The following DCPS variants were observed in gnomAD, a reference collection of about 807,000 sequenced individuals.
DCPS encodes decapping enzyme, scavenger.
Under a neutral mutation model 34.7 loss-of-function variants are expected in DCPS, and 27 were observed. That is an observed-to-expected ratio of 0.78 (90% CI 0.57 to 1.07). The LOEUF (loss-of-function observed/expected upper bound fraction) is 1.07, where lower values mean the gene tolerates loss of function less well. DCPS is among the 50% of genes least tolerant of loss of function. The pLI is 0.00. For synonymous variants in DCPS, 185 were observed against 185.7 expected (o/e 1.00, Z 0.03); for missense variants, 464 against 436.9 (o/e 1.06, Z -0.55).
chr11:126,323,071 C>T lies in DCPS; in HGVS notation c.377-8334C>T, dbSNP rs1288933178. 6.6e-6 allele frequency among the ~76,000 whole-genome samples: 1 copy of T among 150,584 alleles called. No individual in the cohort carries two copies. Among genetic ancestry groups the T allele is most frequent in the Non-Finnish European group, 1.5e-5 (1 of 68,020 alleles). ...CGAACTCCTGGGCTCAATAGATTTC[C>T]CCCCTGTTTCAGCCTCCCAAAGTGT... On this transcript the variant is annotated intron_variant, in intron 2 of 5. Coordinates refer to ENST00000263579, the MANE Select transcript of DCPS (RefSeq NM_014026.6). The surrounding 1 kb of genome is among the most constrained non-coding windows in gnomAD (Gnocchi z 4.4).
rs1951699468 is a variant in DCPS, at chr11:126,320,739, G to A, written c.377-10666G>A. 6.6e-6 allele frequency among the ~76,000 whole-genome samples: 1 copy of A among 152,102 alleles called. No homozygotes were observed. The highest frequency in any genetic ancestry group is 6.6e-5 in the Admixed American group (1 of 15,260). On this transcript the variant is annotated intron_variant, in intron 2 of 5. Transcript: ENST00000263579. This position sits in a 1 kb window ranked among gnomAD's most constrained non-coding sequence, Gnocchi z 4.7. ...GATCACTTCAGTCCAGGACATAGAG[G>A]CTGCACTCCAGCCTGGGAGACAGAG...
Position 126,345,738 on chromosome 11 carries a change from C to A in DCPS, c.*125C>A. On this transcript the variant is annotated 3_prime_UTR_variant, in exon 6 of 6. Coordinates refer to ENST00000263579, the MANE Select transcript of DCPS (RefSeq NM_014026.6). This position sits in a 1 kb window ranked among gnomAD's most constrained non-coding sequence, Gnocchi z 7.4. ...CGGCTTATTCCTAGTATTGAATAAA[C>A]TAGCGGGCTCACTCAGTGTGGACAG... The A allele has an allele frequency of 7.1e-7, 1 of 1,416,000 alleles. No homozygotes were observed. The highest frequency in any genetic ancestry group is 9.5e-7 in the Non-Finnish European group (1 of 1,057,388). 87.7% of individuals were successfully genotyped at this position (1,416,000 alleles called of 1,614,324 possible). A position where few individuals can be genotyped will look rare whatever the true frequency, so the allele number is the denominator to read the frequency against.
rs1169266962 is a variant in DCPS, at chr11:126,319,735, G to A, written c.377-11670G>A. On this transcript the variant is annotated intron_variant, in intron 2 of 5. Coordinates refer to ENST00000263579, the MANE Select transcript of DCPS (RefSeq NM_014026.6). This position sits in a 1 kb window ranked among gnomAD's most constrained non-coding sequence, Gnocchi z 4.5. ...GCTGCTTTTGGAAAACATGGCCCCA[G>A]CACAGGTATCTTAGGAACGGCCCGA... Among the ~76,000 whole-genome samples, 1 of 152,124 alleles carries A rather than the reference G, an allele frequency of 6.6e-6. No individual in the cohort carries two copies. The highest frequency in any genetic ancestry group is 1.5e-5 in the Non-Finnish European group (1 of 68,038).
chr11:126,318,077 G>A (rs1233498981), intron 2 of DCPS, among the ~76,000 whole-genome samples: 1 of 152,196 alleles, frequency 6.6e-6, no homozygotes, highest in East Asian at 1.9e-4. Context: ...GACTTCAGAG[G>A]ACTAGCGAGA....
At position 126,331,651 on chromosome 11, in the gene DCPS, T is replaced by TGGGC; in HGVS notation, c.522+103_522+106dup. ...TCATATTAGGGGCCAGGCGCTGTGC[T>TGGGC]GGGCGAGGGGATGGGGGTACAGTAG... On this transcript the variant is annotated intron_variant, in intron 3 of 5. Transcript: ENST00000263579. This position sits in a 1 kb window ranked among gnomAD's most constrained non-coding sequence, Gnocchi z 7.2. The TGGGC allele has an allele frequency of 1.4e-6, 2 of 1,452,068 alleles. No individual in the cohort carries two copies. The highest frequency in any genetic ancestry group is 1.9e-6 in the Non-Finnish European group (2 of 1,078,942). 89.9% of individuals were successfully genotyped at this position (1,452,068 alleles called of 1,614,324 possible). A position where few individuals can be genotyped will look rare whatever the true frequency, so the allele number is the denominator to read the frequency against.
At position 126,314,964 on chromosome 11, in the gene DCPS, A is replaced by C. The variant is rs192583521; in HGVS notation, c.376+8220A>C. Reference sequence around the variant, plus strand: ...TCACGTAAGTTCCTACCTGTTCCCCAAAAACCTATTGAAATAAAAAAATAA... The same window carrying C: ...TCACGTAAGTTCCTACCTGTTCCCCCAAAACCTATTGAAATAAAAAAATAA... On this transcript the variant is annotated intron_variant, in intron 2 of 5. Coordinates refer to ENST00000263579, the MANE Select transcript of DCPS (RefSeq NM_014026.6). Among the ~76,000 whole-genome samples the C allele has an allele frequency of 1.1e-3, 170 of 152,244 alleles. 1 individual carries two copies. Among genetic ancestry groups the C allele is most frequent in the African/African-American group, 3.8e-3 (159 of 41,478 alleles).
rs557244375 is a variant in DCPS at position 126,332,656 on chromosome 11, A to C, written c.522+1106A>C. Among the ~76,000 whole-genome samples the C allele has an allele frequency of 2.0e-5, 3 of 152,152 alleles. No homozygotes were observed. Among genetic ancestry groups the C allele is most frequent in the Non-Finnish European group, 4.4e-5 (3 of 68,028 alleles). On this transcript the variant is annotated intron_variant, in intron 3 of 5. Transcript: ENST00000263579. This position sits in a 1 kb window ranked among gnomAD's most constrained non-coding sequence, Gnocchi z 5.4. The stretch of plus-strand genomic sequence containing the variant: ...AGGCTGACAGGGCCTGCAGGAATGA[A>C]GTTTCCTTGGGAGACCTGTGTGCCG...
chr11:126,330,885 C>G (rs1484364457), intron 2 of DCPS, among the ~76,000 whole-genome samples: 1 of 151,078 alleles, frequency 6.6e-6, no homozygotes, highest in Admixed American at 6.6e-5. Flanking sequence ...TACAGGCATG[C>G]GCCACCACGC....
At chr11:126,317,839 C>T (rs1353833106) in intron 2 of DCPS, among the ~76,000 whole-genome samples, 1 of 152,232 alleles carries the variant, frequency 6.6e-6, no homozygotes, top group African/African-American at 2.4e-5. Flanking sequence ...AGCTCCCTGA[C>T]ACATTGCACA....
intron 2 of DCPS, among the ~76,000 whole-genome samples, chr11:126,310,936 C>T (rs1254558944): frequency 6.6e-6 from 1 of 152,188 alleles, no homozygotes; most frequent in Non-Finnish European, 1.5e-5. Flanking sequence ...GGAGCCCCCA[C>T]CCCTCATTTC....
At chr11:126,306,866 T>TC in intron 2 of DCPS, 122 bp downstream of exon 2, 15 of 1,156,042 alleles carry the variant, frequency 1.3e-5, no homozygotes, top group South Asian at 1.9e-5. Flanking sequence ...GGGAGATTAC[T>TC]TCCCTAGGGG....
chr11:126,337,029 T>A lies in DCPS; in HGVS notation c.523-1257T>A, dbSNP rs986142046. ...GGATGCAATGCAGTGTGTTCAGCCCTCCAGGCTCAAGGTGTGAGGTTGTGT... is the reference window on the plus strand; with the variant it reads ...GGATGCAATGCAGTGTGTTCAGCCCACCAGGCTCAAGGTGTGAGGTTGTGT... On this transcript the variant is annotated intron_variant, in intron 3 of 5. Coordinates refer to ENST00000263579, the MANE Select transcript of DCPS (RefSeq NM_014026.6). The surrounding 1 kb of genome is among the most constrained non-coding windows in gnomAD (Gnocchi z 5.3). 1 of 152,276 alleles carries A rather than the reference T, an allele frequency of 6.6e-6. No individual in the cohort carries two copies. The highest frequency in any genetic ancestry group is 1.5e-5 in the Non-Finnish European group (1 of 68,120). 9.4% of individuals were successfully genotyped at this position (152,276 alleles called of 1,614,324 possible).
At chr11:126,310,796 C>G (rs1185635788) in intron 2 of DCPS, among the ~76,000 whole-genome samples, 1 of 152,222 alleles carries the variant, frequency 6.6e-6, no homozygotes, top group Admixed American at 6.5e-5. Context: ...TGCTGCCCAC[C>G]CCGAGGGCCC....
rs550539436 is a variant in DCPS at position 126,319,099 on chromosome 11, C to G, written c.377-12306C>G. ...TGGACAAGTCAGAGCTGTGTTAGTC[C>G]GGGGCACATCAGCCTGCTCATCTGA... On this transcript the variant is annotated intron_variant, in intron 2 of 5. Coordinates refer to ENST00000263579, the MANE Select transcript of DCPS (RefSeq NM_014026.6). The surrounding 1 kb of genome is among the most constrained non-coding windows in gnomAD (Gnocchi z 4.5). Among the ~76,000 whole-genome samples the G allele has an allele frequency of 2.0e-5, 3 of 152,112 alleles. No homozygotes were observed. The highest frequency in any genetic ancestry group is 6.6e-5 in the Admixed American group (1 of 15,252).
At chr11:126,305,897 T>C (rs1237657713) in intron 1 of DCPS, among the ~76,000 whole-genome samples, 1 of 152,238 alleles carries the variant, frequency 6.6e-6, no homozygotes, top group Non-Finnish European at 1.5e-5. Context: ...ACCTAGGTTC[T>C]GGTTTCTGTT....
chr11:126,304,230 G>A lies in DCPS; in HGVS notation c.150G>A (p.Gln50=). Residue 50 remains glutamine, a synonymous_variant, in exon 1 of 6, where the codon CAG becomes CAA. Coordinates refer to ENST00000263579, the MANE Select transcript of DCPS (RefSeq NM_014026.6). ...TACCGTTCTCCGGCTTCAGACTGCA[G>A]AAGGTGCTGAGGGAGTCTGCGCGGG... The part of the protein sequence containing the change: ...VRLPFSGFRL[Q]KVLRESARDK... 1.2e-6 allele frequency: 2 copies of A among 1,614,260 alleles called. No homozygotes were observed. Among genetic ancestry groups the A allele is most frequent in the Non-Finnish European group, 1.7e-6 (2 of 1,180,048 alleles).
chr11:126,328,537 C>T lies in DCPS; in HGVS notation c.377-2868C>T, dbSNP rs1432333469. Among the ~76,000 whole-genome samples, 1 of 152,132 alleles carries T rather than the reference C, an allele frequency of 6.6e-6. No individual in the cohort carries two copies. The highest frequency in any genetic ancestry group is 2.4e-5 in the African/African-American group (1 of 41,434). On this transcript the variant is annotated intron_variant, in intron 2 of 5. Transcript: ENST00000263579. The surrounding 1 kb of genome is among the most constrained non-coding windows in gnomAD (Gnocchi z 6.6). ...GGGAGGGGCTGGCTGGGTGAGACGC[C>T]AGTTTCCCTGCACCCTGGGTGGCTG...
At position 126,320,237 on chromosome 11, in the gene DCPS, G is replaced by A. The variant is rs1951694564; in HGVS notation, c.377-11168G>A. Among the ~76,000 whole-genome samples, 1 of 152,106 alleles carries A rather than the reference G, an allele frequency of 6.6e-6. No homozygotes were observed. The highest frequency in any genetic ancestry group is 1.5e-5 in the Non-Finnish European group (1 of 68,024). On this transcript the variant is annotated intron_variant, in intron 2 of 5. Coordinates refer to ENST00000263579, the MANE Select transcript of DCPS (RefSeq NM_014026.6). The surrounding 1 kb of genome is among the most constrained non-coding windows in gnomAD (Gnocchi z 4.7). ...TACTGTGAGGTCTAATCAGTGTCGG[G>A]TGTTATCTTAGGCACTGCACACACA...
intron 2 of DCPS, among the ~76,000 whole-genome samples, chr11:126,318,143 T>C (rs1167404342): frequency 6.6e-6 from 1 of 152,212 alleles, no homozygotes; most frequent in East Asian, 1.9e-4. Flanking sequence ...AGAGTCTTGC[T>C]AAAGTCAGCG....
Sources: gnomAD v4.1 joint callset for allele counts (sites outside exome capture counted in the v4.1 genomes callset) on GRCh38, gnomAD v4.1.1 for gene constraint, Gnocchi (gnomAD v3.1) non-coding constraint, MANE v1.5 for transcripts, NCBI Gene and HGNC (gene_info 2026-07-23, HGNC 2026-07-21) for gene names.